Variants in MTCL2 observed in about 807,000 individuals in gnomAD.
The protein encoded by MTCL2 is microtubule cross-linking factor 2.
chr20:36,812,734 T>C, the MTCL2 span: 13 of 1,613,968 alleles, frequency 8.1e-6, no homozygotes, highest in Non-Finnish European at 1.1e-5. Flanking sequence ...TGTCTTCAGC[T>C]CGGTAAGGCC....
At chr20:36,777,763 G>A in the MTCL2 span, 4 of 596,582 alleles carry the variant, frequency 6.7e-6, no homozygotes, top group East Asian at 1.4e-4. Flanking sequence ...CAGGCTGAGT[G>A]GGAAGGGGGT....
At chr20:36,804,862 G>A in the MTCL2 span, 17 of 1,613,908 alleles carry the variant, frequency 1.1e-5, no homozygotes, top group Non-Finnish European at 1.4e-5. Context: ...CTCCTTCAGC[G>A]TCACCTTCAT....
At chr20:36,847,447 G>A in the MTCL2 span, among the ~76,000 whole-genome samples, 1 of 152,184 alleles carries the variant, frequency 6.6e-6, no homozygotes, top group Admixed American at 6.5e-5. Context: ...TTCCCCAAGA[G>A]CTAGGGAGAA....
At chr20:36,803,238 A>G in the MTCL2 span, 7 of 1,363,672 alleles carry the variant, frequency 5.1e-6, no homozygotes, top group Non-Finnish European at 6.8e-6. Flanking sequence ...ACTAGGGACT[A>G]ACCCAGCTTA....
the MTCL2 span, among the ~76,000 whole-genome samples, chr20:36,860,349 T>C: frequency 6.6e-6 from 1 of 152,130 alleles, no homozygotes; most frequent in Non-Finnish European, 1.5e-5. Flanking sequence ...TTATGATCTG[T>C]GTTGTGATTT....
At chr20:36,848,303 T>G in the MTCL2 span, among the ~76,000 whole-genome samples, 3 of 152,184 alleles carry the variant, frequency 2.0e-5, no homozygotes, top group African/African-American at 7.2e-5. Flanking sequence ...GTCCACCCCC[T>G]GCCAAACCAT....
the MTCL2 span, among the ~76,000 whole-genome samples, chr20:36,853,381 C>T: frequency 6.6e-6 from 1 of 152,188 alleles, no homozygotes; most frequent in Non-Finnish European, 1.5e-5. Context: ...CACTAAGTGG[C>T]ACAGCCAGGA....
At chr20:36,862,603 G>C in the MTCL2 span, 1 of 1,437,006 alleles carries the variant, frequency 7.0e-7, no homozygotes, top group Non-Finnish European at 9.2e-7. Flanking sequence ...CAGGCCCGCG[G>C]GACTGTGACA....
the MTCL2 span, chr20:36,809,958 TG>T: frequency 6.3e-7 from 1 of 1,589,726 alleles, no homozygotes; most frequent in South Asian, 1.1e-5. Flanking sequence ...AATAGCTGCC[TG>T]GAAAGCGCTG....
At chr20:36,806,905 G>C in the MTCL2 span, among the ~76,000 whole-genome samples, 1 of 152,102 alleles carries the variant, frequency 6.6e-6, no homozygotes, top group Non-Finnish European at 1.5e-5. Flanking sequence ...GGCTAGAAAG[G>C]TTTTCACCAA....
chr20:36,794,694 C>G, the MTCL2 span: 3 of 1,511,744 alleles, frequency 2.0e-6, no homozygotes, highest in African/African-American at 2.7e-5. This position sits in a 1 kb window ranked among gnomAD's most constrained non-coding sequence, Gnocchi z 5.4. Context: ...TGCGTGAGGG[C>G]AAAGACCAGG....
chr20:36,792,198 A>G, the MTCL2 span, among the ~76,000 whole-genome samples: 1 of 152,190 alleles, frequency 6.6e-6, no homozygotes, highest in East Asian at 1.9e-4. Context: ...ATCTCAAGGT[A>G]CCAAGGTGAT....
chr20:36,803,113 GA>G, the MTCL2 span: 1 of 1,594,068 alleles, frequency 6.3e-7, no homozygotes, highest in Middle Eastern at 1.8e-4. Context: ...TCCATCTGCG[GA>G]AAGAAGCAGA....
At chr20:36,802,136 AT>A in the MTCL2 span, among the ~76,000 whole-genome samples, 1 of 151,784 alleles carries the variant, frequency 6.6e-6, no homozygotes, top group Non-Finnish European at 1.5e-5. Context: ...AAATATAAAA[AT>A]TAGCCGGCTG....
the MTCL2 span, among the ~76,000 whole-genome samples, chr20:36,860,398 C>T: frequency 3.3e-5 from 5 of 152,182 alleles, no homozygotes; most frequent in South Asian, 2.1e-4. Flanking sequence ...TCCCCAAAAG[C>T]TCTATGAAAA....
chr20:36,814,164 C>G, the MTCL2 span, among the ~76,000 whole-genome samples: 1 of 152,118 alleles, frequency 6.6e-6, no homozygotes, highest in Non-Finnish European at 1.5e-5. Flanking sequence ...GACTCTGCCC[C>G]ACTAGATGAT....
At chr20:36,829,248 G>C in the MTCL2 span, 1 of 1,557,962 alleles carries the variant, frequency 6.4e-7, no homozygotes, top group Non-Finnish European at 8.7e-7. Context: ...ATGTGAGCAG[G>C]CTGAGGAGAG....
chr20:36,848,926 T>C, the MTCL2 span, among the ~76,000 whole-genome samples: 3 of 152,180 alleles, frequency 2.0e-5, no homozygotes, highest in African/African-American at 7.2e-5. Context: ...GTCAAAATAT[T>C]ATTTACACTC....
At chr20:36,830,576 A>G in the MTCL2 span, among the ~76,000 whole-genome samples, 1 of 152,166 alleles carries the variant, frequency 6.6e-6, no homozygotes, top group Non-Finnish European at 1.5e-5. Context: ...TCCTAAAAAC[A>G]AAACAAAGCA....
Sources: gnomAD v4.1 joint callset for allele counts (sites outside exome capture counted in the v4.1 genomes callset) on GRCh38, gnomAD v4.1.1 for gene constraint, Gnocchi (gnomAD v3.1) non-coding constraint, MANE v1.5 for transcripts, NCBI Gene and HGNC (gene_info 2026-07-23, HGNC 2026-07-21) for gene names.